The following THRAP3 variants were observed in gnomAD, a reference collection of about 807,000 sequenced individuals.
The protein encoded by THRAP3 is thyroid hormone receptor-associated protein 3.
Under a neutral mutation model 101.0 loss-of-function variants are expected in THRAP3, and 16 were observed. The observed-to-expected ratio is 0.16, with a 90% CI of 0.11 to 0.24. The LOEUF is 0.24. Ranked by LOEUF, THRAP3 falls within the 10% of genes least tolerant of loss-of-function variation. The pLI, the probability that THRAP3 is intolerant of heterozygous loss-of-function variation, is 1.00. For synonymous variants in THRAP3, 407 were observed against 422.6 expected (o/e 0.96, Z 0.45); for missense variants, 989 against 1,202.7 (o/e 0.82, Z 2.63).
In THRAP3 at chr1:36,291,311, A is replaced by C. The variant is rs1645865231; in HGVS notation, c.1746-63A>C. On this transcript the variant is annotated intron_variant, in intron 5 of 11. Coordinates refer to ENST00000354618, the MANE Select transcript of THRAP3 (RefSeq NM_005119.4). Reference sequence around the variant, plus strand: ...TAAAACTCTTCAAAAAAGTATTTTTATGGTTTTAATGTTCTTCCTGTGTAT... The same window carrying C: ...TAAAACTCTTCAAAAAAGTATTTTTCTGGTTTTAATGTTCTTCCTGTGTAT... 3 of 1,492,010 alleles carry C rather than the reference A, an allele frequency of 2.0e-6. No individual in the cohort carries two copies. In the Admixed American group the frequency reaches 6.7e-5, roughly 33 times the overall value. 92.4% of individuals were successfully genotyped at this position (1,492,010 alleles called of 1,614,324 possible). A position where few individuals can be genotyped will look rare whatever the true frequency, so the allele number is the denominator to read the frequency against.
chr1:36,272,303 C>T, intron 2 of THRAP3, among the ~76,000 whole-genome samples: 1 of 152,118 alleles, frequency 6.6e-6, no homozygotes, highest in Admixed American at 6.6e-5. Flanking sequence ...AAATTGAAGA[C>T]CTTAGAATTG....
At chr1:36,232,400 A>G (rs182803177) in intron 1 of THRAP3, among the ~76,000 whole-genome samples, 2 of 152,258 alleles carry the variant, frequency 1.3e-5, no homozygotes, top group African/African-American at 4.8e-5. Flanking sequence ...ACATTGGGAA[A>G]TGTCCTGAAA....
intron 1 of THRAP3, among the ~76,000 whole-genome samples, chr1:36,247,461 A>G (rs1645245279): frequency 6.6e-6 from 1 of 151,932 alleles, no homozygotes; most frequent in South Asian, 2.1e-4. Flanking sequence ...AGTGACTGGG[A>G]TTACAGGCGT....
At chr1:36,266,160 G>GAA (rs11446813) in intron 2 of THRAP3, among the ~76,000 whole-genome samples, 28,447 of 139,016 alleles carry the variant, frequency 0.2, 3,012 homozygotes, top group Non-Finnish European at 0.24. Flanking sequence ...CTCAAAAAAA[G>GAA]AAAAAAAAAA....
intron 2 of THRAP3, among the ~76,000 whole-genome samples, chr1:36,260,012 G>A (rs986228562): frequency 2.6e-5 from 4 of 152,056 alleles, no homozygotes; most frequent in South Asian, 2.1e-4. Flanking sequence ...GGAGGCCAAG[G>A]CAGGTGATCA....
At chr1:36,210,703 GTATATATATATATATA>G in the THRAP3 span, among the ~76,000 whole-genome samples, 1 of 2,734 alleles carries the variant, frequency 3.7e-4, no homozygotes, top group Non-Finnish European at 5.5e-4. Context: ...AAAAAAAAAA[GTATATATATATATATA>G]TATATATATA....
chr1:36,272,331 T>C (rs1323330618), intron 2 of THRAP3, among the ~76,000 whole-genome samples: 2 of 152,220 alleles, frequency 1.3e-5, no homozygotes, highest in Non-Finnish European at 2.9e-5. Flanking sequence ...TATTTACTGA[T>C]TTACCTTACT....
chr1:36,230,671 G>A (rs989143848), intron 1 of THRAP3, among the ~76,000 whole-genome samples: 2 of 152,266 alleles, frequency 1.3e-5, no homozygotes, highest in Admixed American at 6.5e-5. Flanking sequence ...CTTTGGAAGC[G>A]TAGGATGTGC....
chr1:36,244,396 G>A (rs527428446), intron 1 of THRAP3, among the ~76,000 whole-genome samples: 1 of 152,162 alleles, frequency 6.6e-6, no homozygotes, highest in Admixed American at 6.5e-5. Flanking sequence ...AGTCTTCAAA[G>A]GTTGAATGTG....
intron 11 of THRAP3, among the ~76,000 whole-genome samples, 163 bp from the exon 12 acceptor site, chr1:36,303,633 G>A (rs1479061837): frequency 1.3e-5 from 2 of 152,092 alleles, no homozygotes; most frequent in Admixed American, 1.3e-4. Context: ...TGAACCACTG[G>A]CATTTTTGGA....
In THRAP3 at chr1:36,301,025, G is replaced by T; in HGVS notation, c.2443G>T (p.Gly815Trp). ...CACGGGCTTTGACAAATCAAGACTG[G>T]GGACCAAAGACTTTGTGGGTCCAAG... The part of the protein sequence containing the change: ...STTGFDKSRL[G>W]TKDFVGPSER... The change falls in exon 10 of 12, where the codon GGG becomes TGG. Residue 815 changes from glycine (G) to tryptophan (W), a missense_variant. Gly to Trp is a radical substitution (Grantham distance 184). Coordinates refer to ENST00000354618, the MANE Select transcript of THRAP3 (RefSeq NM_005119.4). 2 of 1,614,136 alleles carry T rather than the reference G, an allele frequency of 1.2e-6. No homozygotes were observed. Among genetic ancestry groups the T allele is most frequent in the South Asian group, 2.2e-5 (2 of 91,082 alleles).
chr1:36,300,339 A>C (rs532299320), intron 9 of THRAP3, among the ~76,000 whole-genome samples: 5 of 152,320 alleles, frequency 3.3e-5, no homozygotes, highest in African/African-American at 9.6e-5. Flanking sequence ...TGAGCCTCCT[A>C]CCTGTAAAAT....
At chr1:36,257,704 A>C (rs961874442) in intron 1 of THRAP3, among the ~76,000 whole-genome samples, 1 of 152,238 alleles carries the variant, frequency 6.6e-6, no homozygotes, top group South Asian at 2.1e-4. Context: ...TGTTGGAATG[A>C]TAAAATTCTT....
chr1:36,208,718 A>G, the THRAP3 span, among the ~76,000 whole-genome samples: 58 of 151,946 alleles, frequency 3.8e-4, no homozygotes, highest in Middle Eastern at 3.4e-3. Flanking sequence ...CCAGGCTGGT[A>G]TGCAGTGGCA....
At chr1:36,273,423 C>A (rs1349994949) in intron 2 of THRAP3, among the ~76,000 whole-genome samples, 2 of 152,138 alleles carry the variant, frequency 1.3e-5, no homozygotes. Flanking sequence ...AGGGAATTTC[C>A]TCAATATGAT....
At chr1:36,287,716 TGAG>T in intron 4 of THRAP3, 2 of 985,418 alleles carry the variant, frequency 2.0e-6, no homozygotes, top group Non-Finnish European at 2.4e-6. Context: ...ACCCTCCAGT[TGAG>T]GAGACTGGGC....
Position 36,294,276 on chromosome 1 carries a change from A to G in THRAP3, c.2115+341A>G, listed in dbSNP as rs183573505. On this transcript the variant is annotated intron_variant, in intron 8 of 11. Transcript: ENST00000354618. ...ATCAAATCAACTGTATACATGCACT[A>G]TTTCCAACCATGATTTCAGAAAGAC... is the stretch of plus-strand genomic sequence containing the variant. The G allele has an allele frequency of 2.2e-3, 2,158 of 997,556 alleles. 2 individuals carry two copies. Among genetic ancestry groups the G allele is most frequent in the Admixed American group, 2.8e-3 (54 of 19,516 alleles). The allele number at this position is 997,556 out of a possible 1,614,324, so 61.8% of individuals were successfully genotyped here. A position where few individuals can be genotyped will look rare whatever the true frequency, so the allele number is the denominator to read the frequency against.
intron 1 of THRAP3, among the ~76,000 whole-genome samples, chr1:36,236,924 C>G (rs1029515800): frequency 6.6e-6 from 1 of 152,162 alleles, no homozygotes; most frequent in Non-Finnish European, 1.5e-5. Flanking sequence ...CAGCTGTAAT[C>G]CCAGCACTTT....
chr1:36,298,527 T>C (rs1040580432), intron 9 of THRAP3, among the ~76,000 whole-genome samples: 2 of 152,192 alleles, frequency 1.3e-5, no homozygotes, highest in African/African-American at 2.4e-5. Context: ...ACGATCTTGC[T>C]CTGTCACCCA....
Sources: gnomAD v4.1 joint callset for allele counts (sites outside exome capture counted in the v4.1 genomes callset) on GRCh38, gnomAD v4.1.1 for gene constraint, MANE v1.5 for transcripts, NCBI Gene and HGNC (gene_info 2026-07-23, HGNC 2026-07-21) for gene names.